HIVEP1: variants seen among roughly 807,000 people sequenced by gnomAD.
HIVEP1 encodes the protein HIVEP zinc finger 1.
Under a neutral mutation model 180.0 loss-of-function variants are expected in HIVEP1, and 36 were observed. The observed-to-expected ratio is 0.20, with a 90% CI of 0.15 to 0.26. The LOEUF (loss-of-function observed/expected upper bound fraction) is 0.26. Ranked by LOEUF, HIVEP1 falls within the 10% of genes least tolerant of loss-of-function variation. HIVEP1 has a pLI of 1.00. For missense variants in HIVEP1, 3,143 were observed against 3,268.7 expected, an observed-to-expected ratio of 0.96 and a Z score of 0.94; for synonymous variants, 1,239 against 1,239.0, an observed-to-expected ratio of 1.00 and a Z score of 0.00.
intron 2 of HIVEP1, among the ~76,000 whole-genome samples, chr6:12,049,010 C>T (rs532879882): frequency 6.6e-6 from 1 of 152,128 alleles, no homozygotes; most frequent in South Asian, 2.1e-4. Flanking sequence ...TTTTAGATTC[C>T]AAAGTCTAGC....
rs1038397966 is a variant in HIVEP1 at position 12,121,935 on chromosome 6, G to A, written c.2140G>A (p.Val714Ile). 1.9e-6 allele frequency: 3 copies of A among 1,614,056 alleles called. No homozygotes were observed. The highest frequency in any genetic ancestry group is 1.3e-5 in the African/African-American group (1 of 74,918). ...GRSNGPSAAL[V>I]TTSTPSALPT... ...GAGTAACGGACCCTCTGCAGCTCTT[G>A]TCACCACGTCAACACCCTCTGCTTT... Residue 714 changes from valine (V) to isoleucine (I), a missense_variant, in exon 4 of 9, where the codon GTC becomes ATC. This residue lies in a region of HIVEP1 where 365 missense variants were observed against 344.4 expected (regional missense o/e 1.06). Coordinates refer to ENST00000379388, the MANE Select transcript of HIVEP1 (RefSeq NM_002114.4). The surrounding 1 kb of genome is among the most constrained non-coding windows in gnomAD (Gnocchi z 5.3).
chr6:12,043,587 A>G (rs1401798913), intron 2 of HIVEP1, among the ~76,000 whole-genome samples: 1 of 151,896 alleles, frequency 6.6e-6, no homozygotes, highest in Non-Finnish European at 1.5e-5. Flanking sequence ...GGCTGGTCTC[A>G]AACTCCTGAC....
chr6:12,111,964 C>T (rs1469783085), intron 3 of HIVEP1, among the ~76,000 whole-genome samples: 6 of 152,120 alleles, frequency 3.9e-5, no homozygotes, highest in Admixed American at 1.3e-4. Flanking sequence ...ATCTTTTAAA[C>T]GGTGAAATTT....
chr6:12,168,035 A>G (rs577060808), downstream of HIVEP1, among the ~76,000 whole-genome samples: 3 of 61,278 alleles, frequency 4.9e-5, no homozygotes, highest in African/African-American at 1.6e-4. Flanking sequence ...TGTATATATT[A>G]TATATACATA....
intron 3 of HIVEP1, among the ~76,000 whole-genome samples, chr6:12,094,463 G>A (rs895380084): frequency 1.3e-5 from 2 of 151,794 alleles, no homozygotes; most frequent in Non-Finnish European, 2.9e-5. Flanking sequence ...AAGAGAGTCT[G>A]TATATTTTTT....
chr6:12,120,861 T>C lies in HIVEP1; in HGVS notation c.1066T>C (p.Ser356Pro). Residue 356 changes from serine to proline, a missense_variant, in exon 4 of 9, where the codon TCA becomes CCA. Around this residue, in one of 12 missense-constraint regions of HIVEP1, gnomAD observed 306 missense variants for 310.6 expected, o/e 0.99. Transcript: ENST00000379388. The part of the protein sequence containing the change: ...TPQNQQMDSA[S>P]PLSISPANST... ...TCAAAACCAGCAAATGGATTCTGCT[T>C]CACCTTTGTCAATAAGTCCGGCTAA... The C allele has an allele frequency of 6.2e-7, 1 of 1,614,166 alleles. No homozygotes were observed. The highest frequency in any genetic ancestry group is 8.5e-7 in the Non-Finnish European group (1 of 1,180,028).
Position 12,125,791 on chromosome 6 carries a change from T to A in HIVEP1, c.5996T>A (p.Leu1999Gln). 1 of 1,613,930 alleles carries A rather than the reference T, an allele frequency of 6.2e-7. No individual in the cohort carries two copies. Among genetic ancestry groups the A allele is most frequent in the Non-Finnish European group, 8.5e-7 (1 of 1,179,866 alleles). Residue 1999 changes from leucine (L) to glutamine (Q), a missense_variant, in exon 4 of 9, where the codon CTA becomes CAA. Physicochemically the swap from Leu to Gln is moderately radical, Grantham distance 113 (BLOSUM62 -2). Coordinates refer to ENST00000379388, the MANE Select transcript of HIVEP1 (RefSeq NM_002114.4). ...LNSKQNTGKS[L>Q]YCQAITTHSK... ...TCAAAACAGAACACTGGAAAATCAC[T>A]ATACTGTCAAGCAATAACTACCCAT... is the stretch of plus-strand genomic sequence containing the variant.
the HIVEP1 span, among the ~76,000 whole-genome samples, chr6:12,195,914 A>G: frequency 1.3e-5 from 2 of 152,252 alleles, no homozygotes; most frequent in African/African-American, 4.8e-5. Context: ...GATCTACCAG[A>G]ATAACTATCC....
At chr6:12,076,716 C>T (rs904590042) in intron 2 of HIVEP1, among the ~76,000 whole-genome samples, 1 of 152,118 alleles carries the variant, frequency 6.6e-6, no homozygotes, top group South Asian at 2.1e-4. Flanking sequence ...GACCCTGCCT[C>T]CCATTGCTGT....
intron 2 of HIVEP1, among the ~76,000 whole-genome samples, chr6:12,034,084 GC>G (rs1443884242): frequency 6.6e-6 from 1 of 152,220 alleles, no homozygotes; most frequent in Non-Finnish European, 1.5e-5. Flanking sequence ...ACCCACCCAT[GC>G]CAGTAACATA....
At chr6:12,021,335 A>C (rs1768191736) in intron 2 of HIVEP1, among the ~76,000 whole-genome samples, 1 of 152,192 alleles carries the variant, frequency 6.6e-6, no homozygotes, top group South Asian at 2.1e-4. Flanking sequence ...CTCAGCATGC[A>C]CATCCGGTAT....
In HIVEP1 at chr6:12,015,782, C is replaced by G. The variant is rs1767701565; in HGVS notation, c.40+114C>G. 15 of 820,428 alleles carry G rather than the reference C, an allele frequency of 1.8e-5. No individual in the cohort carries two copies. The Admixed American group carries it at 3.1e-4, about 17-fold the overall frequency. The allele number at this position is 820,428 out of a possible 1,614,324, so 50.8% of individuals were successfully genotyped here. A position where few individuals can be genotyped will look rare whatever the true frequency, so the allele number is the denominator to read the frequency against. ...TGTTGACCCTGCCTGGTGAGGAGCG[C>G]TATTTCTCTTGCTCATTTCCAGCAG... is the stretch of plus-strand genomic sequence containing the variant. On this transcript the variant is annotated intron_variant, in intron 2 of 8. Coordinates refer to ENST00000379388, the MANE Select transcript of HIVEP1 (RefSeq NM_002114.4).
chr6:12,173,565 A>T, the HIVEP1 span, among the ~76,000 whole-genome samples: 4 of 152,190 alleles, frequency 2.6e-5, no homozygotes, highest in Non-Finnish European at 4.4e-5. Context: ...CCTACATATA[A>T]AACGTAACTT....
At chr6:12,027,773 T>C (rs1768681191) in intron 2 of HIVEP1, among the ~76,000 whole-genome samples, 1 of 152,230 alleles carries the variant, frequency 6.6e-6, no homozygotes, top group African/African-American at 2.4e-5. Context: ...TAATTGCTGC[T>C]AGCACATTAA....
At position 12,084,319 on chromosome 6, in the gene HIVEP1, C is replaced by T. The variant is rs372219725; in HGVS notation, c.41-4865C>T. Among the ~76,000 whole-genome samples, 36 of 152,184 alleles carry T rather than the reference C, an allele frequency of 2.4e-4. No homozygotes were observed. In the East Asian group the frequency reaches 4.1e-3, roughly 17 times the overall value. ...TGTTTTTGTTTGAAATATTGCTAGT[C>T]TAGACTATCATTTTCAGCATTATAA... is the stretch of plus-strand genomic sequence containing the variant. On this transcript the variant is annotated intron_variant, in intron 2 of 8. Transcript: ENST00000379388.
At chr6:12,201,968 C>A in the HIVEP1 span, among the ~76,000 whole-genome samples, 1 of 151,982 alleles carries the variant, frequency 6.6e-6, no homozygotes, top group African/African-American at 2.4e-5. Flanking sequence ...CCAAATGCAT[C>A]CCATTATTAC....
At chr6:12,031,876 T>A (rs1247234147) in intron 2 of HIVEP1, among the ~76,000 whole-genome samples, 1 of 152,056 alleles carries the variant, frequency 6.6e-6, no homozygotes, top group Non-Finnish European at 1.5e-5. Flanking sequence ...TACCATTCTG[T>A]CCTCCTGTGG....
the HIVEP1 span, among the ~76,000 whole-genome samples, chr6:12,175,225 C>T: frequency 2.8e-4 from 43 of 152,172 alleles, no homozygotes; most frequent in African/African-American, 1.0e-3. Context: ...TTAAATAGTG[C>T]TGGTGTTTTC....
chr6:12,154,162 G>A (rs1459052311), intron 7 of HIVEP1, among the ~76,000 whole-genome samples: 2 of 152,196 alleles, frequency 1.3e-5, no homozygotes, highest in African/African-American at 4.8e-5. Context: ...CAGCACCACT[G>A]AATTTATTCT....
Sources: allele counts gnomAD v4.1 joint callset (sites outside exome capture counted in the v4.1 genomes callset), GRCh38; gene constraint gnomAD v4.1.1; regional missense constraint gnomAD v4.1.1; non-coding constraint Gnocchi (gnomAD v3.1); transcripts MANE v1.5; gene names NCBI Gene and HGNC (gene_info 2026-07-23, HGNC 2026-07-21).